Variants in CSMD1 observed in about 807,000 individuals in gnomAD.
CSMD1 encodes CUB and Sushi multiple domains 1, also known as CUB and sushi domain-containing protein 1.
CSMD1 carries 213 observed loss-of-function variants against 417.5 expected under a neutral mutation model. The observed-to-expected ratio is 0.51, with a 90% confidence interval of 0.46 to 0.57. CSMD1 has a LOEUF of 0.57. Among genes scored for constraint, CSMD1 ranks in the 20% least tolerant of loss-of-function variants. The probability of loss-of-function intolerance (pLI) is 0.00; values close to 1 mark genes in which losing one functional copy is unlikely to be tolerated. For missense variants in CSMD1, 6,923 were observed against 4,529.7 expected, an observed-to-expected ratio of 1.53 and a Z score of -15.17; for synonymous variants, 2,862 against 1,736.8, an observed-to-expected ratio of 1.65 and a Z score of -16.11.
intron 11 of CSMD1, among the ~76,000 whole-genome samples, 155 bp from the exon 12 acceptor site, chr8:3,468,979 A>G (rs1198762416): frequency 1.3e-5 from 2 of 152,194 alleles, no homozygotes; most frequent in Non-Finnish European, 1.5e-5. Context: ...GGTCCATTAT[A>G]TTAATATTCA....
intron 5 of CSMD1, among the ~76,000 whole-genome samples, chr8:3,853,553 G>A (rs1171106135): frequency 1.3e-5 from 2 of 151,982 alleles, no homozygotes; most frequent in South Asian, 2.1e-4. Context: ...CAATATTTAT[G>A]TAAGAAAGTG....
At chr8:4,903,684 A>C (rs1805049374) in intron 1 of CSMD1, among the ~76,000 whole-genome samples, 1 of 152,212 alleles carries the variant, frequency 6.6e-6, no homozygotes, top group African/African-American at 2.4e-5. Flanking sequence ...GTTTATACCA[A>C]AGGTTGTAAT....
intron 26 of CSMD1, among the ~76,000 whole-genome samples, chr8:3,233,542 T>G (rs1390662538): frequency 2.0e-5 from 3 of 152,254 alleles, no homozygotes; most frequent in Admixed American, 2.0e-4. Context: ...CGTTTTGTTT[T>G]GTTTGGTTGG....
intron 3 of CSMD1, among the ~76,000 whole-genome samples, chr8:4,250,646 G>C (rs955219819): frequency 3.3e-5 from 5 of 152,142 alleles, no homozygotes; most frequent in African/African-American, 1.2e-4. Context: ...CACTGTATTA[G>C]ATACTATTGT....
intron 3 of CSMD1, among the ~76,000 whole-genome samples, chr8:4,240,027 CAT>C (rs1423810833): frequency 6.6e-6 from 1 of 152,228 alleles, no homozygotes; most frequent in Non-Finnish European, 1.5e-5. Flanking sequence ...AGAAGTCCCA[CAT>C]ATTTCTTGAC....
rs768545779 is a variant in CSMD1, at chr8:3,348,004, T to A, written c.3462A>T (p.Gly1154=). 5.7e-6 allele frequency: 9 copies of A among 1,592,828 alleles called. No homozygotes were observed. The highest frequency in any genetic ancestry group is 7.7e-6 in the Non-Finnish European group (9 of 1,170,612). Residue 1154 remains glycine (G), a synonymous_variant, in exon 22 of 70, where the codon GGA becomes GGT. Transcript: ENST00000635120. ...AGATTCTTTTTACCTTTAGAGTATC[T>A]CCTTCAAACAGCTGGAAGCTTCGTG... ...LRTRSFQLFE[G]DTLKVYDGKD...
At chr8:3,763,891 G>A (rs1350277514) in intron 5 of CSMD1, among the ~76,000 whole-genome samples, 1 of 152,152 alleles carries the variant, frequency 6.6e-6, no homozygotes, top group African/African-American at 2.4e-5. Flanking sequence ...CCTGACTGGA[G>A]ATGCCTTATC....
intron 3 of CSMD1, among the ~76,000 whole-genome samples, chr8:4,074,640 G>T (rs971062498): frequency 6.6e-6 from 1 of 151,956 alleles, no homozygotes; most frequent in African/African-American, 2.4e-5. Context: ...CACTTTTAAT[G>T]TGAAATATCC....
At chr8:4,016,509 G>C (rs1490658693) in intron 4 of CSMD1, among the ~76,000 whole-genome samples, 1 of 152,094 alleles carries the variant, frequency 6.6e-6, no homozygotes, top group Non-Finnish European at 1.5e-5. Flanking sequence ...GGAGGTCCAA[G>C]GTTTTAGTGA....
chr8:4,354,121 C>T (rs976654932), intron 3 of CSMD1, among the ~76,000 whole-genome samples: 6 of 152,100 alleles, frequency 3.9e-5, no homozygotes, highest in South Asian at 2.1e-4. Flanking sequence ...CCCAAGAACG[C>T]GCCTGAAAGT....
At chr8:4,729,312 C>G (rs554429065) in intron 1 of CSMD1, among the ~76,000 whole-genome samples, 4 of 152,280 alleles carry the variant, frequency 2.6e-5, no homozygotes, top group Admixed American at 2.0e-4. Context: ...ATGATCCACA[C>G]AAAGGTGTTT....
At chr8:4,018,793 C>A (rs563201356) in intron 4 of CSMD1, among the ~76,000 whole-genome samples, 14 of 152,310 alleles carry the variant, frequency 9.2e-5, no homozygotes, top group Middle Eastern at 3.4e-3. Context: ...TGTCCAGGGT[C>A]AAATTCTGCC....
chr8:4,484,595 T>C (rs1304418947), intron 2 of CSMD1, among the ~76,000 whole-genome samples: 2 of 152,046 alleles, frequency 1.3e-5, no homozygotes, highest in African/African-American at 4.8e-5. Flanking sequence ...GGTATCAACT[T>C]GGAGGGCTGA....
At chr8:4,250,204 T>C (rs548152843) in intron 3 of CSMD1, among the ~76,000 whole-genome samples, 1 of 152,258 alleles carries the variant, frequency 6.6e-6, no homozygotes, top group Admixed American at 6.5e-5. Flanking sequence ...AAGTACCTGG[T>C]CTGTAGTATT....
At chr8:4,661,749 T>C (rs1259961556) in intron 1 of CSMD1, among the ~76,000 whole-genome samples, 1 of 152,148 alleles carries the variant, frequency 6.6e-6, no homozygotes, top group African/African-American at 2.4e-5. Flanking sequence ...TAGACTAAGA[T>C]CAATGTTTTT....
intron 7 of CSMD1, among the ~76,000 whole-genome samples, chr8:3,673,256 C>A (rs1799177282): frequency 6.6e-6 from 1 of 152,190 alleles, no homozygotes; most frequent in Non-Finnish European, 1.5e-5. Context: ...CTATTGAACA[C>A]ATGCTCTTTG....
rs546241228 is a variant in CSMD1 at position 3,780,537 on chromosome 8, G to C, written c.819-26495C>G. 6.6e-5 allele frequency among the ~76,000 whole-genome samples: 10 copies of C among 152,212 alleles called. No individual in the cohort carries two copies. The East Asian group carries it at 9.7e-4, about 15-fold the overall frequency. On this transcript the variant is annotated intron_variant, in intron 5 of 69. Transcript: ENST00000635120. ...TTTTGTGGTACTACTGAATTGGATG[G>C]GTAATGAGCTTCAACAAACTACTAT... is the stretch of plus-strand genomic sequence containing the variant.
chr8:3,223,238 T>C (rs529240876), intron 28 of CSMD1, among the ~76,000 whole-genome samples: 8 of 152,308 alleles, frequency 5.3e-5, no homozygotes, highest in Admixed American at 1.3e-4. Flanking sequence ...AGGACTGATA[T>C]GTAGTAACTC....
rs1032516518 is a variant in CSMD1, at chr8:4,708,691, A to G, written c.86-71133T>C. ...CCAGATTCATTTTTTTTTTTAAGAG[A>G]AAGATTTCCCAACTGTGGCGGTGGA... On this transcript the variant is annotated intron_variant, in intron 1 of 69. Coordinates refer to ENST00000635120, the MANE Select transcript of CSMD1 (RefSeq NM_033225.6). Among the ~76,000 whole-genome samples, 4 of 152,090 alleles carry G rather than the reference A, an allele frequency of 2.6e-5. No individual in the cohort carries two copies. In the East Asian group the frequency reaches 5.8e-4, roughly 22 times the overall value.
Sources: gnomAD v4.1 joint callset for allele counts (sites outside exome capture counted in the v4.1 genomes callset) on GRCh38, gnomAD v4.1.1 for gene constraint, MANE v1.5 for transcripts, NCBI Gene and HGNC (gene_info 2026-07-23, HGNC 2026-07-21) for gene names.